The following CCDC172 variants were observed in gnomAD, a reference collection of about 807,000 sequenced individuals.
CCDC172 encodes coiled-coil domain-containing protein 172.
CCDC172 carries 30 observed loss-of-function variants against 38.0 expected under a neutral mutation model. The observed-to-expected ratio is 0.79, with a 90% confidence interval of 0.59 to 1.07. The LOEUF (loss-of-function observed/expected upper bound fraction) is 1.07. Ranked by LOEUF, CCDC172 falls within the 50% of genes least tolerant of loss-of-function variation. CCDC172 has a pLI of 0.00. For missense variants in CCDC172, 297 were observed against 290.1 expected, an observed-to-expected ratio of 1.02 and a Z score of -0.17; for synonymous variants, 78 against 88.3, an observed-to-expected ratio of 0.88 and a Z score of 0.66.
chr10:116,327,292 C>T (rs1462798483), intron 3 of CCDC172, among the ~76,000 whole-genome samples: 3 of 152,222 alleles, frequency 2.0e-5, no homozygotes, highest in South Asian at 2.1e-4. Context: ...TCACTTTAAA[C>T]ATTTTTCGTC....
chr10:116,329,775 A>C (rs1844635687), intron 3 of CCDC172, among the ~76,000 whole-genome samples: 1 of 152,140 alleles, frequency 6.6e-6, no homozygotes, highest in South Asian at 2.1e-4. Context: ...GTGGCACCAA[A>C]CTGTACTAGT....
chr10:116,352,969 G>A (rs1844949383), intron 5 of CCDC172, among the ~76,000 whole-genome samples: 1 of 151,998 alleles, frequency 6.6e-6, no homozygotes, highest in African/African-American at 2.4e-5. Flanking sequence ...CAAGGCGGGT[G>A]GATCACGAGG....
intron 3 of CCDC172, among the ~76,000 whole-genome samples, chr10:116,329,948 T>C (rs73374914): frequency 0.11 from 16,901 of 152,172 alleles, 1,092 homozygotes; most frequent in East Asian, 0.21. Flanking sequence ...GGGTGGTACA[T>C]CTAAAGTACT....
rs575024372 is a variant in CCDC172 at position 116,344,074 on chromosome 10, C to T, written c.448+1873C>T. On this transcript the variant is annotated intron_variant, in intron 5 of 8. Transcript: ENST00000333254. Reference sequence around the variant, plus strand: ...AAGGAAATAATCCAAAAACAAATAGCTAAAAGGACAATATAGAAATTAAAA... The same window carrying T: ...AAGGAAATAATCCAAAAACAAATAGTTAAAAGGACAATATAGAAATTAAAA... Among the ~76,000 whole-genome samples, 4 of 151,842 alleles carry T rather than the reference C, an allele frequency of 2.6e-5. No individual in the cohort carries two copies. The South Asian group carries it at 6.3e-4, about 24-fold the overall frequency.
chr10:116,363,950 T>A (rs577055712), intron 7 of CCDC172, among the ~76,000 whole-genome samples: 87 of 148,718 alleles, frequency 5.9e-4, no homozygotes, highest in African/African-American at 1.9e-3. Flanking sequence ...AAAAAAAAAA[T>A]AATAATAATA....
intron 7 of CCDC172, among the ~76,000 whole-genome samples, chr10:116,363,805 C>T (rs1333182151): frequency 6.6e-6 from 1 of 151,772 alleles, no homozygotes; most frequent in East Asian, 1.9e-4. Context: ...GGGGTGGATG[C>T]CTGTAATCCC....
intron 7 of CCDC172, among the ~76,000 whole-genome samples, chr10:116,374,783 G>A (rs1845226249): frequency 6.6e-6 from 1 of 151,428 alleles, no homozygotes; most frequent in Non-Finnish European, 1.5e-5. Context: ...AATGAAAATG[G>A]TCTAAATATG....
intron 7 of CCDC172, among the ~76,000 whole-genome samples, chr10:116,372,693 A>C (rs539213144): frequency 7.7e-4 from 117 of 152,332 alleles, no homozygotes; most frequent in African/African-American, 2.8e-3. Flanking sequence ...AGCCCCAAGC[A>C]GCATTAAAGA....
chr10:116,331,025 C>G (rs1472182983), intron 3 of CCDC172, among the ~76,000 whole-genome samples: 1 of 152,128 alleles, frequency 6.6e-6, no homozygotes, highest in Admixed American at 6.6e-5. Flanking sequence ...CAGGCGTGAA[C>G]CACCAAACCT....
At chr10:116,342,761 A>T (rs1028669990) in intron 5 of CCDC172, among the ~76,000 whole-genome samples, 1 of 152,114 alleles carries the variant, frequency 6.6e-6, no homozygotes, top group African/African-American at 2.4e-5. Context: ...TGCTATTCTC[A>T]TGACATTGAG....
At chr10:116,367,782 T>C (rs533887921) in intron 7 of CCDC172, among the ~76,000 whole-genome samples, 3 of 152,234 alleles carry the variant, frequency 2.0e-5, no homozygotes, top group Admixed American at 2.0e-4. Flanking sequence ...TATAGCTACT[T>C]TTCTTCTTTC....
intron 5 of CCDC172, among the ~76,000 whole-genome samples, chr10:116,350,295 C>G (rs1844915448): frequency 6.6e-6 from 1 of 152,118 alleles, no homozygotes; most frequent in Non-Finnish European, 1.5e-5. Flanking sequence ...AAGACAGTGG[C>G]TGTAATCCAG....
At chr10:116,363,598 T>C (rs569325975) in intron 7 of CCDC172, among the ~76,000 whole-genome samples, 186 of 152,196 alleles carry the variant, frequency 1.2e-3, no homozygotes, top group Non-Finnish European at 2.0e-3. Flanking sequence ...TCTAGTGTGA[T>C]TAAGAAAACC....
chr10:116,361,094 G>GT (rs1415686143), intron 7 of CCDC172, among the ~76,000 whole-genome samples: 1 of 148,820 alleles, frequency 6.7e-6, no homozygotes, highest in Non-Finnish European at 1.5e-5. Context: ...TTGAGACAAA[G>GT]TCTTGCTCTG....
intron 4 of CCDC172, among the ~76,000 whole-genome samples, chr10:116,341,705 C>T (rs1844797432): frequency 1.3e-5 from 2 of 151,692 alleles, no homozygotes; most frequent in Non-Finnish European, 2.9e-5. Context: ...ACTTTACTCT[C>T]CAGTTTTATA....
chr10:116,374,670 G>C (rs968162532), intron 7 of CCDC172, among the ~76,000 whole-genome samples: 2 of 151,732 alleles, frequency 1.3e-5, no homozygotes, highest in African/African-American at 4.8e-5. Flanking sequence ...CCAAAAGCAG[G>C]TAGAAAGAGA....
chr10:116,342,803 T>G (rs1406722986), intron 5 of CCDC172, among the ~76,000 whole-genome samples: 2 of 152,114 alleles, frequency 1.3e-5, no homozygotes, highest in Non-Finnish European at 2.9e-5. Context: ...TGTTTAAAAG[T>G]ATGTAGCACC....
intron 5 of CCDC172, among the ~76,000 whole-genome samples, chr10:116,347,166 A>G (rs1844878191): frequency 6.6e-6 from 1 of 152,218 alleles, no homozygotes; most frequent in Non-Finnish European, 1.5e-5. Context: ...GAATGTATTG[A>G]AAGAAAATGG....
rs752525309 is a variant in CCDC172, at chr10:116,357,925, A to G, written c.640A>G (p.Thr214Ala). ...IKISEKPQND[T>A]ECLRLKKELE... ...AATCAGTGAAAAGCCTCAAAATGAT[A>G]CAGAATGCTTAAGGTAAGAGTTTCC... The change falls in exon 7 of 9, where the codon ACA (threonine) becomes GCA (alanine). Residue 214 changes from threonine (T) to alanine (A), a missense_variant. By Grantham distance (58) the Thr-to-Ala change is moderately conservative. Coordinates refer to ENST00000333254, the MANE Select transcript of CCDC172 (RefSeq NM_198515.3). 6.4e-7 allele frequency: 1 copy of G among 1,570,202 alleles called. No homozygotes were observed. Among genetic ancestry groups the G allele is most frequent in the Non-Finnish European group, 8.7e-7 (1 of 1,152,010 alleles).
Sources: allele counts gnomAD v4.1 joint callset (sites outside exome capture counted in the v4.1 genomes callset), GRCh38; gene constraint gnomAD v4.1.1; transcripts MANE v1.5; gene names NCBI Gene and HGNC (gene_info 2026-07-23, HGNC 2026-07-21).